The following MYRFL variants were observed in gnomAD, a reference collection of about 807,000 sequenced individuals.
MYRFL encodes the protein myelin regulatory factor-like protein.
Under a neutral mutation model 109.4 loss-of-function variants are expected in MYRFL, and 88 were observed. That is an observed-to-expected ratio of 0.80 (90% CI 0.68 to 0.96). The LOEUF is 0.96. Among genes scored for constraint, MYRFL ranks in the 40% least tolerant of loss-of-function variants. The pLI is 0.00. For missense variants in MYRFL, 957 were observed against 954.9 expected (o/e 1.00, Z -0.03); for synonymous variants, 324 against 320.9 (o/e 1.01, Z -0.10).
intron 2 of MYRFL, among the ~76,000 whole-genome samples, chr12:69,863,126 T>C (rs1265694368): frequency 6.6e-6 from 1 of 152,030 alleles, no homozygotes; most frequent in Non-Finnish European, 1.5e-5. Flanking sequence ...GATAAGCTTT[T>C]TGATGTGCTG....
intron 13 of MYRFL, among the ~76,000 whole-genome samples, chr12:69,917,139 C>T (rs1954758726): frequency 7.9e-5 from 12 of 152,088 alleles, no homozygotes; most frequent in Admixed American, 7.9e-4. Flanking sequence ...AGAGCAGTGC[C>T]GAGGCCTTCC....
At chr12:69,833,097 A>G (rs1003228242) in intron 1 of MYRFL, among the ~76,000 whole-genome samples, 2 of 152,086 alleles carry the variant, frequency 1.3e-5, no homozygotes, top group Admixed American at 1.3e-4. Flanking sequence ...AGGAAGGATT[A>G]GAGCTGCTGT....
In MYRFL at chr12:69,952,808, CA is replaced by C. The variant is rs1404007128; in HGVS notation, c.2299del (p.Thr767ProfsTer13). The C allele has an allele frequency of 3.9e-6, 6 of 1,527,180 alleles. No individual in the cohort carries two copies. Among genetic ancestry groups the C allele is most frequent in the Non-Finnish European group, 4.4e-6 (5 of 1,141,258 alleles). 94.6% of individuals were successfully genotyped at this position (1,527,180 alleles called of 1,614,324 possible). A position where few individuals can be genotyped will look rare whatever the true frequency, so the allele number is the denominator to read the frequency against. On this transcript the variant is annotated frameshift_variant, in exon 21 of 25. Transcript: ENST00000552032. LOFTEE classifies it high-confidence loss of function. The part of the protein sequence containing the change: ...GPDWESDWID[T>X]TISSIQIMEI... Reference sequence around the variant, plus strand: ...TTTCTTCTCAATTCAGGGATTGATACAACCATCAGTTCTATTCAGATTATGG... The same window carrying C: ...TTTCTTCTCAATTCAGGGATTGATACACCATCAGTTCTATTCAGATTATGG...
intron 1 of MYRFL, among the ~76,000 whole-genome samples, chr12:69,853,756 G>T (rs574683078): frequency 5.5e-5 from 8 of 145,670 alleles, no homozygotes; most frequent in African/African-American, 1.8e-4. Flanking sequence ...ACTGGGCGGC[G>T]GGGCAGAGGG....
intron 10 of MYRFL, among the ~76,000 whole-genome samples, chr12:69,902,428 C>T (rs571138100): frequency 3.7e-4 from 56 of 152,304 alleles, no homozygotes; most frequent in Admixed American, 1.0e-3. Context: ...GAATCTCCCT[C>T]CTACCACTGT....
chr12:69,847,421 C>T (rs1883624585), intron 1 of MYRFL, among the ~76,000 whole-genome samples: 1 of 152,116 alleles, frequency 6.6e-6, no homozygotes, highest in Non-Finnish European at 1.5e-5. Context: ...TTTATTCTTA[C>T]TCAGAGATGA....
chr12:69,911,001 A>G (rs1954549729), intron 13 of MYRFL, 71 bp downstream of exon 13: 1 of 1,027,406 alleles, frequency 9.7e-7, no homozygotes, highest in African/African-American at 1.6e-5. Context: ...GTGATAGCAC[A>G]ATGGGCTGAA....
intron 11 of MYRFL, 65 bp downstream of exon 11, chr12:69,903,909 T>A: frequency 7.1e-7 from 1 of 1,416,762 alleles, no homozygotes; most frequent in Non-Finnish European, 9.3e-7. Context: ...TGGGTGCTCC[T>A]GGCCTCTGAC....
intron 13 of MYRFL, among the ~76,000 whole-genome samples, chr12:69,925,916 A>T: frequency 6.6e-6 from 1 of 152,186 alleles, no homozygotes; most frequent in South Asian, 2.1e-4. Context: ...CAGAGAGGTT[A>T]TTGCATTTTG....
At chr12:69,921,081 G>A (rs774640623) in intron 13 of MYRFL, among the ~76,000 whole-genome samples, 1 of 152,178 alleles carries the variant, frequency 6.6e-6, no homozygotes, top group Non-Finnish European at 1.5e-5. Context: ...ATTTAAAACT[G>A]TTAATAGCTG....
At chr12:69,855,410 A>T (rs1884216039) in intron 2 of MYRFL, 40 bp downstream of exon 2, 4 of 698,756 alleles carry the variant, frequency 5.7e-6, no homozygotes. Context: ...GATGTTTAAA[A>T]TATTATGAAA....
At chr12:69,850,155 C>T (rs958217940) in intron 1 of MYRFL, among the ~76,000 whole-genome samples, 3 of 152,176 alleles carry the variant, frequency 2.0e-5, no homozygotes, top group African/African-American at 7.2e-5. Context: ...GTGAAATGTG[C>T]CTTTCACCTT....
intron 2 of MYRFL, among the ~76,000 whole-genome samples, chr12:69,870,479 C>T (rs566134228): frequency 1.3e-5 from 2 of 152,146 alleles, no homozygotes; most frequent in African/African-American, 2.4e-5. Flanking sequence ...AAGTTTGGCG[C>T]ACAAAGACTG....
At chr12:69,882,540 C>G (rs757308570) in intron 5 of MYRFL, among the ~76,000 whole-genome samples, 15 of 152,150 alleles carry the variant, frequency 9.9e-5, no homozygotes, top group Non-Finnish European at 1.6e-4. Context: ...TCAGAGATGG[C>G]CTGAGTCAAT....
intron 11 of MYRFL, 94 bp downstream of exon 11, chr12:69,903,938 CTTTA>C: frequency 1.8e-6 from 2 of 1,125,776 alleles, no homozygotes; most frequent in Non-Finnish European, 2.4e-6. Flanking sequence ...AACCGCACAT[CTTTA>C]CATGTCACCC....
In MYRFL at chr12:69,880,951, GT is replaced by G. The variant is rs71094746; in HGVS notation, c.556+677del. Among the ~76,000 whole-genome samples, 318 of 112,614 alleles carry G rather than the reference GT, an allele frequency of 2.8e-3. 5 individuals are homozygous for G. The highest frequency in any genetic ancestry group is 7.0e-3 in the African/African-American group (222 of 31,512). The allele number at this position is 112,614 out of a possible 152,430, so 73.9% of individuals were successfully genotyped here. A position where few individuals can be genotyped will look rare whatever the true frequency, so the allele number is the denominator to read the frequency against. The stretch of plus-strand genomic sequence containing the variant: ...TAATGTCCAAGCGGTCAGCCTTCCT[GT>G]TTTTTTTTTTTTTTTTTGTCTTATA... On this transcript the variant is annotated intron_variant, in intron 5 of 24. Coordinates refer to ENST00000552032, the MANE Select transcript of MYRFL (RefSeq NM_182530.3).
rs1955456554 is a variant in MYRFL at position 69,936,131 on chromosome 12, C to G, written c.1935C>G (p.Ala645=). The change falls in exon 17 of 25, where the codon GCC becomes GCG. Residue 645 remains alanine, a synonymous_variant. Transcript: ENST00000552032. ...VMAFCALTIV[A]LYILSLKDQD... ...TTGACAGTGCTTTGACGATAGTTGC[C>G]CTCTATATACTTAGCTTAAAAGATC... The G allele has an allele frequency of 7.5e-7, 1 of 1,341,636 alleles. No individual in the cohort carries two copies. Among genetic ancestry groups the G allele is most frequent in the East Asian group, 3.0e-5 (1 of 33,840 alleles). The allele number at this position is 1,341,636 out of a possible 1,614,324, so 83.1% of individuals were successfully genotyped here.
intron 13 of MYRFL, among the ~76,000 whole-genome samples, chr12:69,922,838 G>A (rs1417548382): frequency 6.6e-6 from 1 of 152,024 alleles, no homozygotes; most frequent in Non-Finnish European, 1.5e-5. Context: ...TAGACATTGA[G>A]GATTATTGCC....
chr12:69,835,205 G>A (rs1020857865), intron 1 of MYRFL, among the ~76,000 whole-genome samples: 1 of 152,148 alleles, frequency 6.6e-6, no homozygotes, highest in Non-Finnish European at 1.5e-5. Context: ...ACAGAAAAAT[G>A]CTATCTGCTG....
Sources: gnomAD v4.1 joint callset for allele counts (sites outside exome capture counted in the v4.1 genomes callset) on GRCh38, gnomAD v4.1.1 for gene constraint, MANE v1.5 for transcripts, NCBI Gene and HGNC (gene_info 2026-07-23, HGNC 2026-07-21) for gene names.